ADGRG4: variants seen among roughly 807,000 people sequenced by gnomAD.
ADGRG4 encodes adhesion G protein-coupled receptor G4, also known as G protein-coupled receptor 112.
ADGRG4 carries 122 observed loss-of-function variants against 126.2 expected under a neutral mutation model. That is an observed-to-expected ratio of 0.97 (90% CI 0.83 to 1.12). ADGRG4 has a LOEUF of 1.12. Ranked by LOEUF, ADGRG4 falls within the 50% of genes most tolerant of loss-of-function variation. ADGRG4 has a pLI of 0.00. For synonymous variants in ADGRG4, 943 were observed against 838.7 expected, an observed-to-expected ratio of 1.12 and a Z score of -2.15; for missense variants, 2,481 against 2,251.8, an observed-to-expected ratio of 1.10 and a Z score of -2.06.
chrX:136,371,982 T>C (rs756756814), intron 14 of ADGRG4, among the ~76,000 whole-genome samples: 1 of 111,724 alleles, frequency 9.0e-6, no homozygotes, highest in African/African-American at 3.2e-5. Flanking sequence ...AGTCAGGTAG[T>C]TACACATTGA....
At chrX:136,360,756 A>G (rs1006890609) in intron 11 of ADGRG4, among the ~76,000 whole-genome samples, 5 of 110,175 alleles carry the variant, frequency 4.5e-5, no homozygotes, top group Non-Finnish European at 7.6e-5. Flanking sequence ...ACAAACAAAC[A>G]AAACAGAGCT....
chrX:136,330,169 G>T (rs1290278732), intron 5 of ADGRG4, among the ~76,000 whole-genome samples: 2 of 111,001 alleles, frequency 1.8e-5, no homozygotes, highest in Admixed American at 9.6e-5. Flanking sequence ...GCAAACTTGT[G>T]TATCTACCAG....
At chrX:136,351,589 T>A (rs757041491) in intron 7 of ADGRG4, 48 bp downstream of exon 7, 3 of 508,981 alleles carry the variant, frequency 5.9e-6, no homozygotes, top group Non-Finnish European at 9.3e-6. Context: ...TATATGTGAA[T>A]ATATACATTT....
chrX:136,383,879 TTC>T (rs1459957322), intron 15 of ADGRG4, among the ~76,000 whole-genome samples: 109 of 57,167 alleles, frequency 1.9e-3, no homozygotes, highest in Non-Finnish European at 4.0e-3. Context: ...TCTTTCTTCT[TTC>T]TTCCTTTCCT....
chrX:136,365,338 A>G (rs1256693510), intron 13 of ADGRG4, among the ~76,000 whole-genome samples: 1 of 111,230 alleles, frequency 9.0e-6, no homozygotes, highest in Non-Finnish European at 1.9e-5. Flanking sequence ...TGTCTCTATG[A>G]ATTTTGCCAA....
chrX:136,308,659 T>A (rs5930928), intron 3 of ADGRG4, 110 bp from the exon 4 acceptor site: 226,705 of 526,052 alleles, frequency 0.43, 32,612 homozygotes, highest in Middle Eastern at 0.54. Context: ...CTTTAAGCAA[T>A]AGGAAAAAAC....
chrX:136,317,499 C>CAAA (rs35736381), intron 4 of ADGRG4, among the ~76,000 whole-genome samples: 120 of 40,474 alleles, frequency 3.0e-3, no homozygotes, highest in Non-Finnish European at 3.6e-3. Context: ...GACTCCATCT[C>CAAA]AAAAAAAAAA....
chrX:136,327,494 A>AATAATAATAATAATATG (rs2074881379), intron 5 of ADGRG4, among the ~76,000 whole-genome samples: 1 of 44,294 alleles, frequency 2.3e-5, no homozygotes, highest in Admixed American at 2.5e-4. Context: ...ATAATAATAT[A>AATAATAATAATAATATG]TACATACATG....
intron 12 of ADGRG4, 69 bp downstream of exon 12, chrX:136,361,656 C>T (rs2075130000): frequency 2.3e-6 from 2 of 851,566 alleles, no homozygotes; most frequent in Non-Finnish European, 3.2e-6. Flanking sequence ...GGACATGTTT[C>T]TATGTCATTT....
intron 3 of ADGRG4, chrX:136,306,162 G>A (rs1342020388): frequency 9.0e-6 from 1 of 111,201 alleles, no homozygotes; most frequent in Non-Finnish European, 1.9e-5. Flanking sequence ...CAGTTCTCAG[G>A]TAAGTGTTTC....
In ADGRG4 at chrX:136,345,435, G is replaced by T; in HGVS notation, c.1729G>T (p.Ala577Ser). 1 of 1,208,978 alleles carries T rather than the reference G, an allele frequency of 8.3e-7. No individual in the cohort carries two copies. The highest frequency in any genetic ancestry group is 1.1e-6 in the Non-Finnish European group (1 of 893,291). Residue 577 changes from alanine to serine, a missense_variant, in exon 6 of 26, where the codon GCT (alanine) becomes TCT (serine). Ala to Ser is a moderately conservative substitution (Grantham distance 99). Coordinates refer to ENST00000394143, the MANE Select transcript of ADGRG4 (RefSeq NM_153834.4). The stretch of plus-strand genomic sequence containing the variant: ...TGAGAGTGTACAGACAGTTATTGAT[G>T]CTGAAGCTACACGTACAGCCTTAAC... ...GTESVQTVID[A>S]EATRTALTPE...
chrX:136,319,777 T>C (rs1383767788), intron 4 of ADGRG4, among the ~76,000 whole-genome samples: 1 of 110,859 alleles, frequency 9.0e-6, no homozygotes, highest in Non-Finnish European at 1.9e-5. Flanking sequence ...ATTATTTATC[T>C]GTCTACCTAT....
At chrX:136,302,827 A>C (rs760273933) in intron 1 of ADGRG4, among the ~76,000 whole-genome samples, 2 of 112,154 alleles carry the variant, frequency 1.8e-5, no homozygotes, top group African/African-American at 6.5e-5. Flanking sequence ...GTATTATCTC[A>C]TTGATTTTAT....
Position 136,323,233 on chromosome X carries a change from C to G in ADGRG4, c.526C>G (p.Arg176Gly), listed in dbSNP as rs896110034. ...NESSEVKSMM[R>G]SFPGSLYYFQ... is the part of the protein sequence containing the mutation. ...GAGCAGCGAGGTTAAAAGCATGATG[C>G]GTAGCTTTCCTGGCAGCTTGTACTA... The change falls in exon 5 of 26, where the codon CGT becomes GGT. Residue 176 changes from arginine to glycine, a missense_variant. By Grantham distance (125) the Arg-to-Gly change is moderately radical (BLOSUM62 -2). Coordinates refer to ENST00000394143, the MANE Select transcript of ADGRG4 (RefSeq NM_153834.4). 2.5e-6 allele frequency: 3 copies of G among 1,209,411 alleles called. No homozygotes were observed.
intron 7 of ADGRG4, 130 bp downstream of exon 7, chrX:136,351,671 GTTT>G: frequency 5.6e-5 from 14 of 250,101 alleles, no homozygotes; most frequent in Admixed American, 1.4e-4. Context: ...CAGCTAAGTA[GTTT>G]TTTTTTTTTT....
chrX:136,373,870 C>T (rs1013924079), intron 15 of ADGRG4, among the ~76,000 whole-genome samples: 12 of 111,166 alleles, frequency 1.1e-4, no homozygotes, highest in Non-Finnish European at 2.1e-4. Context: ...GAGGCTTAGG[C>T]GGGAGGATTG....
At chrX:136,381,441 G>C (rs1300820777) in intron 15 of ADGRG4, among the ~76,000 whole-genome samples, 1 of 110,998 alleles carries the variant, frequency 9.0e-6, no homozygotes, top group Non-Finnish European at 1.9e-5. Context: ...TGTTTGTAAA[G>C]ATGAGATCTC....
intron 20 of ADGRG4, among the ~76,000 whole-genome samples, chrX:136,399,339 A>C (rs1055292275): frequency 1.8e-5 from 2 of 112,595 alleles, no homozygotes; most frequent in Non-Finnish European, 3.8e-5. Flanking sequence ...TAACAGCGTA[A>C]AATAATCAAA....
At chrX:136,406,884 C>A (rs769811729) in intron 23 of ADGRG4, among the ~76,000 whole-genome samples, 68 of 108,290 alleles carry the variant, frequency 6.3e-4, no homozygotes, top group African/African-American at 2.3e-3. Context: ...CCACTGCACT[C>A]CAGCCTGGGC....
Sources: gnomAD v4.1 joint callset for allele counts (sites outside exome capture counted in the v4.1 genomes callset) on GRCh38, gnomAD v4.1.1 for gene constraint, MANE v1.5 for transcripts, NCBI Gene and HGNC (gene_info 2026-07-23, HGNC 2026-07-21) for gene names.